Variants in TMEM40 observed in about 807,000 individuals in gnomAD.
The protein encoded by TMEM40 is transmembrane protein 40.
In TMEM40, 34 loss-of-function variants were observed where a neutral mutation model predicts 40.8. That is an observed-to-expected ratio of 0.83 (90% CI 0.63 to 1.11). The LOEUF (loss-of-function observed/expected upper bound fraction) is 1.11, where lower values mean the gene tolerates loss of function less well. Ranked by LOEUF, TMEM40 falls within the 50% of genes least tolerant of loss-of-function variation. The pLI, the probability that TMEM40 is intolerant of heterozygous loss-of-function variation, is 0.00. For missense variants in TMEM40, 296 were observed against 280.2 expected, an observed-to-expected ratio of 1.06 and a Z score of -0.40; for synonymous variants, 106 against 107.0, an observed-to-expected ratio of 0.99 and a Z score of 0.06.
At chr3:12,765,341 GA>G (rs2061589433) in intron 1 of TMEM40, among the ~76,000 whole-genome samples, 1 of 151,342 alleles carries the variant, frequency 6.6e-6, no homozygotes, top group African/African-American at 2.4e-5. Flanking sequence ...TTTTCTGGTT[GA>G]AGTAGGAGCC....
At chr3:12,748,129 G>T (rs959807776) in intron 3 of TMEM40, among the ~76,000 whole-genome samples, 6 of 152,164 alleles carry the variant, frequency 3.9e-5, no homozygotes, top group African/African-American at 1.4e-4. Flanking sequence ...TACATGCTAA[G>T]ACTTTACCTG....
At chr3:12,738,640 A>T in intron 5 of TMEM40, 52 bp from the exon 6 acceptor site, 3 of 1,583,144 alleles carry the variant, frequency 1.9e-6, no homozygotes, top group Non-Finnish European at 1.7e-6. Context: ...CTGGGGGGGG[A>T]GAAGTCATGC....
chr3:12,765,408 G>T (rs2061589804), intron 1 of TMEM40, among the ~76,000 whole-genome samples: 1 of 152,088 alleles, frequency 6.6e-6, no homozygotes, highest in African/African-American at 2.4e-5. Flanking sequence ...AGCCCTTGGG[G>T]TGCCAACGAA....
In TMEM40 at chr3:12,738,430, T is replaced by G. The variant is rs554172949; in HGVS notation, c.391+123A>C. On this transcript the variant is annotated intron_variant, in intron 6 of 11. Coordinates refer to ENST00000314124, the MANE Select transcript of TMEM40 (RefSeq NM_018306.4). ...TTGATGAGCCTAGGCTAAGTGGACC[T>G]GGGGCTCCTGTTTCTCAGAGCCAGG... The G allele has an allele frequency of 8.5e-5, 100 of 1,172,136 alleles. 1 individual carries two copies. In the South Asian group the frequency reaches 1.2e-3, roughly 14 times the overall value. The allele number at this position is 1,172,136 out of a possible 1,614,324, so 72.6% of individuals were successfully genotyped here.
chr3:12,756,568 T>G (rs1341051989), intron 1 of TMEM40, among the ~76,000 whole-genome samples: 1 of 152,296 alleles, frequency 6.6e-6, no homozygotes, highest in East Asian at 1.9e-4. Flanking sequence ...CTGACACATT[T>G]GAAGATTAAT....
intron 4 of TMEM40, 113 bp from the exon 5 acceptor site, chr3:12,742,620 G>C (rs1422707004): frequency 3.4e-5 from 43 of 1,261,202 alleles, no homozygotes; most frequent in South Asian, 2.8e-4. Flanking sequence ...TGCTGGAGGT[G>C]AGGTGGGGGG....
At chr3:12,765,166 A>T (rs1477942312) in intron 1 of TMEM40, among the ~76,000 whole-genome samples, 1 of 151,982 alleles carries the variant, frequency 6.6e-6, no homozygotes, top group Non-Finnish European at 1.5e-5. Context: ...CTGAAGTTAA[A>T]TTTTTTTAAA....
Position 12,758,478 on chromosome 3 carries a change from A to G in TMEM40, c.-9+713T>C, listed in dbSNP as rs1478183681. 4.6e-5 allele frequency among the ~76,000 whole-genome samples: 7 copies of G among 152,048 alleles called. No homozygotes were observed. In the East Asian group the frequency reaches 1.4e-3, roughly 29 times the overall value. On this transcript the variant is annotated intron_variant, in intron 1 of 11. Coordinates refer to ENST00000314124, the MANE Select transcript of TMEM40 (RefSeq NM_018306.4). ...CAGAGGTGGCTCTAGGACAAGGATG[A>G]CAGCCTACGGGGGTGGGTGGGGGGA... is the stretch of plus-strand genomic sequence containing the variant.
intron 1 of TMEM40, among the ~76,000 whole-genome samples, chr3:12,758,588 C>T (rs1367978141): frequency 6.6e-6 from 1 of 152,162 alleles, no homozygotes; most frequent in Admixed American, 6.5e-5. Context: ...GCCCCCTCCC[C>T]ATGGCCCAGC....
In TMEM40 at chr3:12,737,743, C is replaced by T; in HGVS notation, c.436G>A (p.Ala146Thr). The T allele has an allele frequency of 1.2e-6, 2 of 1,613,998 alleles. No homozygotes were observed. The highest frequency in any genetic ancestry group is 1.7e-6 in the Non-Finnish European group (2 of 1,179,890). The change falls in exon 8 of 12, where the codon GCC becomes ACC. Residue 146 changes from alanine to threonine, a missense_variant. Ala to Thr is a moderately conservative substitution (Grantham distance 58). Coordinates refer to ENST00000314124, the MANE Select transcript of TMEM40 (RefSeq NM_018306.4). ...GSDPASGEVE[A>T]SQLRRLNIKK... is the part of the protein sequence containing the mutation. ...ATATTCAGTCTTCTTAACTGAGAGG[C>T]CTCCACTTCTCCTTAAGAACAAGAG...
chr3:12,743,842 G>A (rs1489503242), intron 4 of TMEM40, 58 bp downstream of exon 4: 34 of 1,531,854 alleles, frequency 2.2e-5, no homozygotes, highest in Non-Finnish European at 2.7e-5. Flanking sequence ...TCAGTCCCAC[G>A]GAGAAACTCA....
chr3:12,736,978 A>G, intron 8 of TMEM40, 143 bp from the exon 9 acceptor site: 1 of 1,052,966 alleles, frequency 9.5e-7, no homozygotes, highest in South Asian at 1.4e-5. Flanking sequence ...TCCTGGGCTT[A>G]AGCAATTCTC....
intron 1 of TMEM40, among the ~76,000 whole-genome samples, chr3:12,765,416 G>A (rs899718776): frequency 2.0e-5 from 3 of 152,030 alleles, no homozygotes; most frequent in Non-Finnish European, 2.9e-5. Flanking sequence ...GGGTGCCAAC[G>A]AAGAGCCCAG....
chr3:12,755,795 T>A (rs975846516), intron 1 of TMEM40, among the ~76,000 whole-genome samples: 1 of 152,190 alleles, frequency 6.6e-6, no homozygotes, highest in Non-Finnish European at 1.5e-5. Context: ...GGCCACGTCT[T>A]CCTTTTCTCT....
intron 1 of TMEM40, among the ~76,000 whole-genome samples, chr3:12,766,224 G>C (rs999186204): frequency 2.0e-5 from 3 of 152,076 alleles, no homozygotes; most frequent in African/African-American, 7.2e-5. Context: ...ATAGGCAACT[G>C]TTTGTTGGCC....
At chr3:12,739,829 A>G (rs2106608264) in intron 5 of TMEM40, among the ~76,000 whole-genome samples, 1 of 151,668 alleles carries the variant, frequency 6.6e-6, no homozygotes, top group African/African-American at 2.4e-5. Flanking sequence ...TATTTTTAAA[A>G]TTTATTTATT....
intron 11 of TMEM40, 63 bp downstream of exon 11, chr3:12,735,492 C>G: frequency 6.5e-7 from 1 of 1,542,882 alleles, no homozygotes; most frequent in Non-Finnish European, 8.9e-7. Context: ...TGCTAAGCCT[C>G]TTTCTAAATG....
intron 8 of TMEM40, 91 bp downstream of exon 8, chr3:12,737,616 G>A: frequency 1.7e-6 from 2 of 1,211,622 alleles, no homozygotes; most frequent in Non-Finnish European, 2.4e-6. Flanking sequence ...GGTGGGCTAT[G>A]ATTACTGCTG....
chr3:12,767,490 G>A (rs1464319077), intron 1 of TMEM40, among the ~76,000 whole-genome samples: 6 of 152,156 alleles, frequency 3.9e-5, no homozygotes, highest in African/African-American at 1.2e-4. Context: ...TGAGCTCTGA[G>A]GTCCTTAGGG....
Sources: allele counts gnomAD v4.1 joint callset (sites outside exome capture counted in the v4.1 genomes callset), GRCh38; gene constraint gnomAD v4.1.1; transcripts MANE v1.5; gene names NCBI Gene and HGNC (gene_info 2026-07-23, HGNC 2026-07-21).